Variants in MAP3K20 observed in about 807,000 individuals in gnomAD.
MAP3K20 encodes HCCS-4.
A neutral mutation model predicts 85.7 loss-of-function variants in MAP3K20; 40 were observed. That is an observed-to-expected ratio of 0.47 (90% CI 0.36 to 0.61). The LOEUF (loss-of-function observed/expected upper bound fraction) is 0.61, where lower values mean the gene tolerates loss of function less well. Among genes scored for constraint, MAP3K20 ranks in the 20% least tolerant of loss-of-function variants. The probability of loss-of-function intolerance (pLI) is 0.00; values close to 1 mark genes in which losing one functional copy is unlikely to be tolerated. For synonymous variants in MAP3K20, 325 were observed against 327.7 expected, an observed-to-expected ratio of 0.99 and a Z score of 0.09; for missense variants, 817 against 961.7, an observed-to-expected ratio of 0.85 and a Z score of 1.99.
chr2:173,236,361 T>C (rs1009501034), intron 14 of MAP3K20, among the ~76,000 whole-genome samples: 1 of 150,562 alleles, frequency 6.6e-6, no homozygotes, highest in Non-Finnish European at 1.5e-5. Flanking sequence ...AAAAGCCCTG[T>C]TGGAAGCAGC....
rs56202258 is a variant in MAP3K20, at chr2:173,266,565, C to A, written c.2218C>A (p.Pro740Thr). Residue 740 changes from proline (P) to threonine (T), a missense_variant, in exon 20 of 20, where the codon CCC becomes ACC. This residue lies in a region of MAP3K20 where 454 missense variants were observed against 476.9 expected (regional missense o/e 0.95). Coordinates refer to ENST00000375213, the MANE Select transcript of MAP3K20 (RefSeq NM_016653.3). ...FKRSPRDLHQ[P>T]NTIPGMPLHP... ...GAGAAGCCCCAGGGACCTCCACCAA[C>A]CCAACACCATACCAGGGATGCCTTT... The A allele has an allele frequency of 1.2e-6, 2 of 1,613,878 alleles. No individual in the cohort carries two copies. The highest frequency in any genetic ancestry group is 1.7e-6 in the Non-Finnish European group (2 of 1,179,942).
intron 2 of MAP3K20, among the ~76,000 whole-genome samples, chr2:173,093,503 AG>A (rs1243427411): frequency 1.3e-5 from 2 of 152,204 alleles, no homozygotes; most frequent in African/African-American, 4.8e-5. Context: ...CTTTATTTGC[AG>A]ACCTCTAGTG....
At chr2:173,232,940 C>T (rs1005621146) in intron 14 of MAP3K20, among the ~76,000 whole-genome samples, 1 of 152,198 alleles carries the variant, frequency 6.6e-6, no homozygotes, top group Non-Finnish European at 1.5e-5. Flanking sequence ...TGCCCCCAGG[C>T]ACCCCTATTC....
chr2:173,130,185 A>G (rs543157592), intron 2 of MAP3K20, among the ~76,000 whole-genome samples: 132 of 152,368 alleles, frequency 8.7e-4, no homozygotes, highest in African/African-American at 3.0e-3. Context: ...ATCATGAAAC[A>G]TTTGAAACAA....
intron 2 of MAP3K20, among the ~76,000 whole-genome samples, chr2:173,094,137 A>G (rs1280587426): frequency 2.0e-5 from 3 of 152,160 alleles, no homozygotes; most frequent in Non-Finnish European, 4.4e-5. Context: ...CTTAAAGTAT[A>G]ATAAAAAAAA....
intron 17 of MAP3K20, among the ~76,000 whole-genome samples, chr2:173,259,859 T>C (rs1274880207): frequency 2.0e-5 from 3 of 152,234 alleles, no homozygotes; most frequent in African/African-American, 7.2e-5. Flanking sequence ...ACTGGAAAGA[T>C]ATTTCCTTTC....
intron 14 of MAP3K20, among the ~76,000 whole-genome samples, chr2:173,234,059 T>C (rs1399504055): frequency 2.0e-5 from 3 of 152,230 alleles, no homozygotes; most frequent in African/African-American, 7.2e-5. Flanking sequence ...AAAAAGTATT[T>C]TCTGCAGTAC....
intron 16 of MAP3K20, among the ~76,000 whole-genome samples, chr2:173,250,727 A>G (rs1414310621): frequency 1.3e-5 from 2 of 152,168 alleles, no homozygotes; most frequent in South Asian, 2.1e-4. Flanking sequence ...AGATTAAAAC[A>G]TTCTTAGTTC....
At chr2:173,145,133 A>G (rs1270077173) in intron 2 of MAP3K20, among the ~76,000 whole-genome samples, 2 of 152,194 alleles carry the variant, frequency 1.3e-5, no homozygotes, top group African/African-American at 2.4e-5. Flanking sequence ...GTACTTCTAT[A>G]AGAAAGCAAA....
chr2:173,219,815 A>T (rs546294765), intron 11 of MAP3K20, among the ~76,000 whole-genome samples: 9 of 152,134 alleles, frequency 5.9e-5, no homozygotes, highest in East Asian at 5.8e-4. Context: ...ACACCTGTAA[A>T]CCCAGCACTT....
intron 16 of MAP3K20, among the ~76,000 whole-genome samples, chr2:173,250,835 C>T (rs1685026168): frequency 6.6e-6 from 1 of 152,058 alleles, no homozygotes; most frequent in Admixed American, 6.6e-5. Flanking sequence ...AAACAAATCT[C>T]ATGGGACAAA....
intron 11 of MAP3K20, chr2:173,226,649 T>C: frequency 1.0e-6 from 1 of 985,876 alleles, no homozygotes; most frequent in African/African-American, 1.7e-5. Context: ...TGTGAGGAGC[T>C]TTCTGGCATG....
At chr2:173,207,212 G>T (rs945047134) in intron 9 of MAP3K20, among the ~76,000 whole-genome samples, 2 of 152,156 alleles carry the variant, frequency 1.3e-5, no homozygotes, top group African/African-American at 4.8e-5. Flanking sequence ...AAATAAGTTG[G>T]TCTCGTGCAG....
intron 7 of MAP3K20, among the ~76,000 whole-genome samples, chr2:173,192,485 A>G (rs1171552093): frequency 6.6e-6 from 1 of 152,238 alleles, no homozygotes; most frequent in African/African-American, 2.4e-5. Context: ...AGGCAAGAGT[A>G]ACATCAGGCT....
intron 2 of MAP3K20, among the ~76,000 whole-genome samples, chr2:173,137,946 G>T (rs1574047686): frequency 6.6e-6 from 1 of 152,032 alleles, no homozygotes; most frequent in Admixed American, 6.6e-5. Flanking sequence ...GAAAAGACAC[G>T]TAGATTAATA....
At chr2:173,105,141 A>G (rs1574016731) in intron 2 of MAP3K20, among the ~76,000 whole-genome samples, 2 of 152,250 alleles carry the variant, frequency 1.3e-5, no homozygotes, top group Non-Finnish European at 1.5e-5. Context: ...ACATTTTCAC[A>G]TGACCACTCT....
intron 5 of MAP3K20, among the ~76,000 whole-genome samples, chr2:173,190,071 C>T (rs1323723778): frequency 6.6e-6 from 1 of 152,142 alleles, no homozygotes; most frequent in Non-Finnish European, 1.5e-5. Context: ...TGGCACCTAC[C>T]TTCCAAAATT....
chr2:173,176,476 T>A (rs555280133), intron 3 of MAP3K20, among the ~76,000 whole-genome samples: 26 of 152,256 alleles, frequency 1.7e-4, no homozygotes, highest in Middle Eastern at 3.4e-3. Flanking sequence ...GTAATTAGAT[T>A]AGTATTAAAC....
At chr2:173,194,764 G>A (rs376571610) in intron 7 of MAP3K20, among the ~76,000 whole-genome samples, 8 of 126,304 alleles carry the variant, frequency 6.3e-5, no homozygotes, top group East Asian at 2.1e-4. Context: ...TTAAAAAAAA[G>A]GTTTTTTTTT....
Sources: allele counts gnomAD v4.1 joint callset (sites outside exome capture counted in the v4.1 genomes callset), GRCh38; gene constraint gnomAD v4.1.1; regional missense constraint gnomAD v4.1.1; transcripts MANE v1.5; gene names NCBI Gene and HGNC (gene_info 2026-07-23, HGNC 2026-07-21).